The following TDRD12 variants were observed in gnomAD, a reference collection of about 807,000 sequenced individuals.
TDRD12 encodes the protein putative ATP-dependent RNA helicase TDRD12.
In TDRD12, 158 loss-of-function variants were observed where a neutral mutation model predicts 133.5. The observed-to-expected ratio is 1.18, with a 90% CI of 1.04 to 1.35. TDRD12 has a LOEUF of 1.35. Among genes scored for constraint, TDRD12 ranks in the 40% most tolerant of loss-of-function variants. TDRD12 has a pLI of 0.00. For missense variants in TDRD12, 1,443 were observed against 1,321.3 expected (o/e 1.09, Z -1.43); for synonymous variants, 460 against 477.9 (o/e 0.96, Z 0.49).
At chr19:32,742,646 A>G (rs1969464964) in intron 3 of TDRD12, 135 bp from the exon 4 acceptor site, 3 of 979,602 alleles carry the variant, frequency 3.1e-6, no homozygotes, top group Non-Finnish European at 2.9e-6. Flanking sequence ...GTTGGTGGCC[A>G]TATTAGAAAC....
intron 2 of TDRD12, among the ~76,000 whole-genome samples, chr19:32,732,923 A>G (rs943338192): frequency 6.6e-6 from 1 of 152,224 alleles, no homozygotes; most frequent in Non-Finnish European, 1.5e-5. Flanking sequence ...CTGTAATCCC[A>G]GCACTTTGGG....
chr19:32,795,335 G>GAAAAAAAAAA (rs35855895), intron 14 of TDRD12, among the ~76,000 whole-genome samples: 2 of 114,272 alleles, frequency 1.8e-5, no homozygotes, highest in Non-Finnish European at 1.8e-5. Flanking sequence ...CTCCATCTCA[G>GAAAAAAAAAA]AAAAAAAAAA....
At chr19:32,805,288 T>C (rs1480242213) in intron 21 of TDRD12, among the ~76,000 whole-genome samples, 1 of 148,454 alleles carries the variant, frequency 6.7e-6, no homozygotes, top group Non-Finnish European at 1.5e-5. Flanking sequence ...GAGCCTTGGG[T>C]AGGGGGATCG....
chr19:32,805,212 CACACACACAT>C (rs934229146), intron 21 of TDRD12, among the ~76,000 whole-genome samples: 2 of 30,892 alleles, frequency 6.5e-5, no homozygotes, highest in East Asian at 1.1e-3. Flanking sequence ...CACACACACA[CACACACACAT>C]ATATATATAT....
intron 21 of TDRD12, among the ~76,000 whole-genome samples, chr19:32,805,457 G>GATA (rs1971520667): frequency 6.6e-6 from 1 of 151,724 alleles, no homozygotes; most frequent in African/African-American, 2.4e-5. Context: ...TTTCCATATG[G>GATA]ATAATGGTTT....
At chr19:32,780,944 CTTTT>C (rs11383637) in intron 11 of TDRD12, among the ~76,000 whole-genome samples, 8 of 126,772 alleles carry the variant, frequency 6.3e-5, no homozygotes, top group Non-Finnish European at 1.3e-4. Context: ...TTTAATCTAT[CTTTT>C]TTTTTTTTTT....
chr19:32,736,331 A>T (rs974107090), intron 2 of TDRD12, among the ~76,000 whole-genome samples: 1 of 152,200 alleles, frequency 6.6e-6, no homozygotes, highest in Non-Finnish European at 1.5e-5. Context: ...CAGGAAGATC[A>T]CTTGGGCCCA....
At chr19:32,791,550 A>G (rs188359136) in intron 13 of TDRD12, among the ~76,000 whole-genome samples, 1 of 152,208 alleles carries the variant, frequency 6.6e-6, no homozygotes, top group African/African-American at 2.4e-5. Flanking sequence ...GACAAATAGC[A>G]TGAGAGAGAA....
At chr19:32,792,352 G>GAA (rs1971097054) in intron 13 of TDRD12, among the ~76,000 whole-genome samples, 2 of 152,164 alleles carry the variant, frequency 1.3e-5, no homozygotes, top group South Asian at 4.1e-4. Context: ...TCCCCGGAGA[G>GAA]AAGACATTGC....
Position 32,821,124 on chromosome 19 carries a change from G to GA in TDRD12, c.3479dup (p.Asn1160LysfsTer34), listed in dbSNP as rs772344377. On this transcript the variant is annotated frameshift_variant, in exon 28 of 28. Coordinates refer to ENST00000444215, the Ensembl canonical transcript of TDRD12. LOFTEE classifies it low-confidence loss of function (END_TRUNC). ...AGGGGCTGAGTCCAAGACGAGCTCA[G>GA]AAAACCAGAAGCCTGGTGGGTACTT... The GA allele has an allele frequency of 1.4e-5, 21 of 1,535,906 alleles. No homozygotes were observed. Among genetic ancestry groups the GA allele is most frequent in the Middle Eastern group, 3.3e-4 (2 of 6,012 alleles).
chr19:32,739,877 C>CGCTGTCTGCATCTCCTGGGT (rs1599841922), intron 3 of TDRD12, among the ~76,000 whole-genome samples: 5 of 114,678 alleles, frequency 4.4e-5, no homozygotes, highest in South Asian at 3.2e-4. Flanking sequence ...TCTCCTGGTG[C>CGCTGTCTGCATCTCCTGGGT]GCTGTCTGCA....
chr19:32,751,035 C>G (rs566272609), intron 6 of TDRD12, among the ~76,000 whole-genome samples: 44 of 151,930 alleles, frequency 2.9e-4, no homozygotes, highest in Non-Finnish European at 4.0e-4. Context: ...AGTTTGCTGG[C>G]CAGATCATCC....
At chr19:32,720,137 T>TGGGGG in intron 1 of TDRD12, 41 bp downstream of exon 1, 1 of 1,520,026 alleles carries the variant, frequency 6.6e-7, no homozygotes, top group Non-Finnish European at 8.8e-7. Context: ...ACCCACGCAG[T>TGGGGG]CCCCCACCCC....
chr19:32,817,728 C>T (rs1406221032), intron 26 of TDRD12, among the ~76,000 whole-genome samples: 1 of 151,442 alleles, frequency 6.6e-6, no homozygotes. Context: ...CAGCCATGCC[C>T]GAGGCCTGCA....
chr19:32,731,991 A>T, intron 2 of TDRD12, 108 bp downstream of exon 2: 1 of 1,154,520 alleles, frequency 8.7e-7, no homozygotes, highest in Non-Finnish European at 1.2e-6. Flanking sequence ...TTAGTTTCTT[A>T]CACTCAGTGC....
intron 8 of TDRD12, among the ~76,000 whole-genome samples, chr19:32,757,421 A>C (rs186637932): frequency 7.2e-5 from 11 of 152,258 alleles, no homozygotes; most frequent in Admixed American, 2.6e-4. Flanking sequence ...GAGTGTACAT[A>C]TGTATTTATT....
chr19:32,759,273 CAT>C (rs1346348923), intron 8 of TDRD12, among the ~76,000 whole-genome samples: 4 of 152,078 alleles, frequency 2.6e-5, no homozygotes, highest in Non-Finnish European at 5.9e-5. Flanking sequence ...AGCCAGGAGA[CAT>C]GTGTTCTAAT....
At chr19:32,773,768 T>C (rs1331727892) in intron 10 of TDRD12, among the ~76,000 whole-genome samples, 1 of 152,214 alleles carries the variant, frequency 6.6e-6, no homozygotes, top group Non-Finnish European at 1.5e-5. Flanking sequence ...TTATACAGTG[T>C]TCTATAAGAT....
At chr19:32,794,746 A>G (rs1193441890) in exon 14 of TDRD12, 4 of 703,382 alleles carry the variant, frequency 5.7e-6, no homozygotes, top group East Asian at 2.7e-5. Flanking sequence ...CCTTTGCTCT[A>G]CCTCCTACCA....
Sources: allele counts gnomAD v4.1 joint callset (sites outside exome capture counted in the v4.1 genomes callset), GRCh38; gene constraint gnomAD v4.1.1; transcripts MANE v1.5; gene names NCBI Gene and HGNC (gene_info 2026-07-23, HGNC 2026-07-21).